The following NTNG1 variants were observed in gnomAD, a reference collection of about 807,000 sequenced individuals.
NTNG1 encodes netrin G1.
NTNG1 carries 16 observed loss-of-function variants against 54.0 expected under a neutral mutation model. The observed-to-expected ratio is 0.30, with a 90% CI of 0.20 to 0.45. NTNG1 has a LOEUF of 0.45. Among genes scored for constraint, NTNG1 ranks in the 20% least tolerant of loss-of-function variants. The pLI, the probability that NTNG1 is intolerant of heterozygous loss-of-function variation, is 1.00. For synonymous variants in NTNG1, 255 were observed against 263.1 expected (o/e 0.97, Z 0.30); for missense variants, 530 against 678.7 (o/e 0.78, Z 2.43).
intron 4 of NTNG1, among the ~76,000 whole-genome samples, chr1:107,404,042 G>A (rs925817308): frequency 2.7e-5 from 4 of 150,358 alleles, no homozygotes; most frequent in African/African-American, 7.3e-5. Flanking sequence ...AGCTAATGAA[G>A]CTTAAACTTC....
intron 4 of NTNG1, among the ~76,000 whole-genome samples, chr1:107,406,526 C>T (rs974814397): frequency 1.8e-4 from 28 of 152,154 alleles, no homozygotes; most frequent in African/African-American, 6.7e-4. Context: ...GCAGACTTGC[C>T]TAAAATCACC....
At chr1:107,386,143 ATG>A (rs201278430) in intron 3 of NTNG1, among the ~76,000 whole-genome samples, 42,816 of 129,500 alleles carry the variant, frequency 0.33, 8,105 homozygotes, top group Middle Eastern at 0.52. Flanking sequence ...ATATATATAT[ATG>A]TGTGTATATA....
At chr1:107,181,355 G>A (rs987366607) in intron 2 of NTNG1, among the ~76,000 whole-genome samples, 8 of 152,128 alleles carry the variant, frequency 5.3e-5, no homozygotes, top group East Asian at 1.9e-4. Flanking sequence ...GTTATGTATT[G>A]CATAAAAGAG....
intron 3 of NTNG1, among the ~76,000 whole-genome samples, chr1:107,370,594 T>A (rs934232334): frequency 6.6e-6 from 1 of 151,934 alleles, no homozygotes; most frequent in African/African-American, 2.4e-5. Flanking sequence ...CACTTATGAC[T>A]GAGAACACAA....
chr1:107,324,199 GCCTCTTACTGAGCAAC>G (rs1322070880), intron 2 of NTNG1, 67 bp from the exon 3 acceptor site: 1 of 1,261,872 alleles, frequency 7.9e-7, no homozygotes, highest in Non-Finnish European at 1.1e-6. Flanking sequence ...TCCTTTTCTA[GCCTCTTACTGAGCAAC>G]AGCAATATGG....
At chr1:107,468,054 G>T (rs752275317) in intron 7 of NTNG1, among the ~76,000 whole-genome samples, 1 of 152,126 alleles carries the variant, frequency 6.6e-6, no homozygotes, top group Non-Finnish European at 1.5e-5. Context: ...ACATTGTCAG[G>T]GGGTGGTTAT....
At chr1:107,212,030 T>G (rs1221543784) in intron 2 of NTNG1, among the ~76,000 whole-genome samples, 12 of 152,162 alleles carry the variant, frequency 7.9e-5, no homozygotes, top group Non-Finnish European at 8.8e-5. Context: ...AATCTCTTTA[T>G]AGATGTATTA....
chr1:107,475,684 A>G (rs1442484500), intron 7 of NTNG1, among the ~76,000 whole-genome samples: 1 of 152,200 alleles, frequency 6.6e-6, no homozygotes, highest in African/African-American at 2.4e-5. Context: ...TATATCAGGG[A>G]CAACTGCCCT....
At chr1:107,463,742 A>C (rs1439565308) in intron 7 of NTNG1, among the ~76,000 whole-genome samples, 1 of 152,134 alleles carries the variant, frequency 6.6e-6, no homozygotes, top group African/African-American at 2.4e-5. Context: ...AGTCTATATA[A>C]GGCAAGAGCC....
chr1:107,313,503 C>T lies in NTNG1; in HGVS notation c.247-10779C>T, dbSNP rs143319764. ...ATATCTGAAGACAGAATTTTAGAGT[C>T]ATCGAAGTGTAAGTGATAGTTGAAG... On this transcript the variant is annotated intron_variant, in intron 2 of 7. Transcript: ENST00000370068. Among the ~76,000 whole-genome samples, 65 of 152,164 alleles carry T rather than the reference C, an allele frequency of 4.3e-4. No individual in the cohort carries two copies. In the East Asian group the frequency reaches 0.011, roughly 27 times the overall value.
At chr1:107,219,433 G>A (rs549360755) in intron 2 of NTNG1, among the ~76,000 whole-genome samples, 235 of 152,256 alleles carry the variant, frequency 1.5e-3, no homozygotes, top group African/African-American at 5.1e-3. Flanking sequence ...AGATTTCGTC[G>A]TGATTTGGAT....
At chr1:107,360,053 G>A (rs916400368) in intron 3 of NTNG1, among the ~76,000 whole-genome samples, 3 of 152,002 alleles carry the variant, frequency 2.0e-5, no homozygotes, top group Admixed American at 6.6e-5. Flanking sequence ...TGCTGCTCCC[G>A]CCACACCCTG....
At chr1:107,275,103 A>G (rs1271127947) in intron 2 of NTNG1, among the ~76,000 whole-genome samples, 2 of 152,304 alleles carry the variant, frequency 1.3e-5, no homozygotes, top group South Asian at 2.1e-4. Flanking sequence ...TTGGCCGGGC[A>G]TGGTGGCTCA....
intron 2 of NTNG1, among the ~76,000 whole-genome samples, chr1:107,153,196 A>G (rs1228853628): frequency 6.6e-6 from 1 of 152,230 alleles, no homozygotes; most frequent in African/African-American, 2.4e-5. Flanking sequence ...GAGATGAGTG[A>G]CTGGTAACTC....
intron 3 of NTNG1, among the ~76,000 whole-genome samples, chr1:107,374,540 T>C (rs1274926606): frequency 6.6e-6 from 1 of 152,136 alleles, no homozygotes; most frequent in Non-Finnish European, 1.5e-5. Context: ...AGAAATGTAC[T>C]TTTTGGCTCT....
intron 2 of NTNG1, among the ~76,000 whole-genome samples, chr1:107,314,760 C>T (rs1030211445): frequency 6.6e-6 from 1 of 152,192 alleles, no homozygotes; most frequent in Non-Finnish European, 1.5e-5. Context: ...AGAACATTGA[C>T]TGTTAACTCA....
In NTNG1 at chr1:107,364,284, T is replaced by G. The variant is rs532154283; in HGVS notation, c.888-30870T>G. Among the ~76,000 whole-genome samples the G allele has an allele frequency of 9.2e-5, 14 of 152,338 alleles. 1 individual carries two copies. The East Asian group carries it at 1.9e-3, about 21-fold the overall frequency. ...AATCATTTCAGTAATTTTACATAAT[T>G]CTCGTGGCTATCATTGTTAACTGCA... On this transcript the variant is annotated intron_variant, in intron 3 of 7. Transcript: ENST00000370068.
intron 2 of NTNG1, among the ~76,000 whole-genome samples, chr1:107,149,179 G>T (rs991401823): frequency 6.6e-6 from 1 of 152,178 alleles, no homozygotes; most frequent in Non-Finnish European, 1.5e-5. Flanking sequence ...GGTCATATCT[G>T]TCATGTTAAG....
At chr1:107,392,890 A>C (rs1487758777) in intron 3 of NTNG1, among the ~76,000 whole-genome samples, 1 of 152,156 alleles carries the variant, frequency 6.6e-6, no homozygotes, top group African/African-American at 2.4e-5. Context: ...AGTAGAACTC[A>C]GGGTTATGTA....
Sources: allele counts gnomAD v4.1 joint callset (sites outside exome capture counted in the v4.1 genomes callset), GRCh38; gene constraint gnomAD v4.1.1; transcripts MANE v1.5; gene names NCBI Gene and HGNC (gene_info 2026-07-23, HGNC 2026-07-21).